ATXN1: variants seen among roughly 807,000 people sequenced by gnomAD.
ATXN1 encodes ataxin-1.
ATXN1 carries 8 observed loss-of-function variants against 56.4 expected under a neutral mutation model. The observed-to-expected ratio is 0.14, with a 90% CI of 0.08 to 0.26. The LOEUF is 0.26. ATXN1 is among the 10% of genes least tolerant of loss of function. ATXN1 has a pLI of 1.00. For missense variants in ATXN1, 987 were observed against 1,106.5 expected (o/e 0.89, Z 1.53); for synonymous variants, 514 against 494.6 (o/e 1.04, Z -0.52).
chr6:16,651,414 C>T lies in ATXN1; in HGVS notation c.-489+6362G>A, dbSNP rs192367304. ...AAAAAATTAGCCAGGTGTGGTGGTG[C>T]GCACCTGTAATCCAAGCTACTCAGG... On this transcript the variant is annotated intron_variant, in intron 3 of 7. Transcript: ENST00000436367. Among the ~76,000 whole-genome samples, 6 of 152,024 alleles carry T rather than the reference C, an allele frequency of 3.9e-5. No homozygotes were observed. In the South Asian group the frequency reaches 6.2e-4, roughly 16 times the overall value.
At chr6:16,757,168 A>G (rs916990942) in intron 1 of ATXN1, among the ~76,000 whole-genome samples, 2 of 152,226 alleles carry the variant, frequency 1.3e-5, no homozygotes, top group Admixed American at 1.3e-4. Context: ...TCTTCCTCTA[A>G]GTGTAAAAGA....
At chr6:16,486,644 T>C (rs1290582680) in intron 5 of ATXN1, among the ~76,000 whole-genome samples, 2 of 152,156 alleles carry the variant, frequency 1.3e-5, no homozygotes, top group Non-Finnish European at 2.9e-5. Flanking sequence ...AACGTCTGCA[T>C]GCCCTACTGT....
At chr6:16,343,593 T>A (rs1242211963) in intron 6 of ATXN1, among the ~76,000 whole-genome samples, 2 of 152,144 alleles carry the variant, frequency 1.3e-5, no homozygotes, top group Non-Finnish European at 2.9e-5. Flanking sequence ...AGCAGTATCT[T>A]AGTGTCACTG....
rs1759327345 is a variant in ATXN1 at position 16,433,455 on chromosome 6, G to GTGCT, written c.-161+52516_-161+52517insAGCA. On this transcript the variant is annotated intron_variant, in intron 6 of 7. Coordinates refer to ENST00000436367, the MANE Select transcript of ATXN1 (RefSeq NM_001128164.2). ...GGATAAGAAGAACTGAGTGCTCCAA[G>GTGCT]GAGATTTTAGAGGTGGGCAAAAAAC... is the stretch of plus-strand genomic sequence containing the variant. 4.6e-5 allele frequency among the ~76,000 whole-genome samples: 7 copies of GTGCT among 152,300 alleles called. No homozygotes were observed. In the South Asian group the frequency reaches 1.5e-3, roughly 32 times the overall value.
intron 2 of ATXN1, among the ~76,000 whole-genome samples, chr6:16,708,392 C>CAT (rs4052887): frequency 0.93 from 141,669 of 152,196 alleles, 66,015 homozygotes; most frequent in East Asian, 1. Context: ...AAATTCCCCA[C>CAT]GTCTGTGAAT....
At chr6:16,586,954 T>A (rs575810583) in intron 3 of ATXN1, among the ~76,000 whole-genome samples, 1 of 151,808 alleles carries the variant, frequency 6.6e-6, no homozygotes, top group African/African-American at 2.4e-5. Flanking sequence ...GAAGGCAGAG[T>A]TTGCAGTGAG....
At chr6:16,761,243 AGGGAATG>A in intron 1 of ATXN1, 48 bp downstream of exon 1, 1 of 407,614 alleles carries the variant, frequency 2.5e-6, no homozygotes. Flanking sequence ...TAAGGGGAGA[AGGGAATG>A]GGGGAGGGGG....
chr6:16,379,522 T>C (rs1581724504), intron 6 of ATXN1, among the ~76,000 whole-genome samples: 1 of 152,224 alleles, frequency 6.6e-6, no homozygotes, highest in East Asian at 1.9e-4. Flanking sequence ...TTCTATTCCT[T>C]TGTGTCCTCC....
intron 3 of ATXN1, among the ~76,000 whole-genome samples, chr6:16,617,604 AAC>A (rs1763237818): frequency 6.6e-6 from 1 of 151,966 alleles, no homozygotes; most frequent in Non-Finnish European, 1.5e-5. Context: ...CTCTACTAAA[AAC>A]ACACACAAAA....
intron 5 of ATXN1, among the ~76,000 whole-genome samples, chr6:16,519,729 C>T (rs1761250415): frequency 1.3e-5 from 2 of 152,206 alleles, no homozygotes; most frequent in South Asian, 2.1e-4. Context: ...GACTCTCCAC[C>T]TCCTTTCAAT....
At chr6:16,478,429 T>C (rs1033929037) in intron 6 of ATXN1, among the ~76,000 whole-genome samples, 1 of 152,164 alleles carries the variant, frequency 6.6e-6, no homozygotes, top group Non-Finnish European at 1.5e-5. Context: ...GGTAGAGCCA[T>C]TGAGGTTGCC....
chr6:16,502,839 G>A (rs1760909204), intron 5 of ATXN1, among the ~76,000 whole-genome samples: 2 of 152,150 alleles, frequency 1.3e-5, no homozygotes, highest in African/African-American at 4.8e-5. Flanking sequence ...GGACCCTTAT[G>A]ACAGTAGTAT....
At chr6:16,378,071 T>C (rs1439661369) in intron 6 of ATXN1, among the ~76,000 whole-genome samples, 6 of 152,200 alleles carry the variant, frequency 3.9e-5, no homozygotes, top group Admixed American at 3.9e-4. Context: ...GTTCATATCC[T>C]CCTGGCCCAC....
chr6:16,646,688 T>C (rs1763803382), intron 3 of ATXN1, among the ~76,000 whole-genome samples: 1 of 152,226 alleles, frequency 6.6e-6, no homozygotes, highest in Admixed American at 6.5e-5. Flanking sequence ...GGTGGAATCC[T>C]AGCCATTCTT....
At chr6:16,676,868 CTT>C (rs558432480) in intron 2 of ATXN1, among the ~76,000 whole-genome samples, 2 of 148,184 alleles carry the variant, frequency 1.3e-5, no homozygotes, top group African/African-American at 4.9e-5. Context: ...ACACCAATCA[CTT>C]TTTTTTTTTC....
chr6:16,418,153 A>C (rs760743517), intron 6 of ATXN1, among the ~76,000 whole-genome samples: 20 of 152,240 alleles, frequency 1.3e-4, no homozygotes, highest in Non-Finnish European at 2.5e-4. Flanking sequence ...TAGGTGCTTA[A>C]AATGCTCATT....
At chr6:16,355,568 T>A (rs1207793182) in intron 6 of ATXN1, among the ~76,000 whole-genome samples, 3 of 151,670 alleles carry the variant, frequency 2.0e-5, no homozygotes, top group Admixed American at 2.0e-4. Flanking sequence ...CCCTTTTTTT[T>A]TTTTCTTTTT....
chr6:16,556,590 C>T (rs536983706), intron 4 of ATXN1, among the ~76,000 whole-genome samples: 4 of 152,228 alleles, frequency 2.6e-5, no homozygotes, highest in East Asian at 1.9e-4. Flanking sequence ...ATTTCCAAAA[C>T]GTTTTCTACT....
At chr6:16,456,601 T>A (rs991032480) in intron 6 of ATXN1, among the ~76,000 whole-genome samples, 1 of 152,200 alleles carries the variant, frequency 6.6e-6, no homozygotes, top group Non-Finnish European at 1.5e-5. Flanking sequence ...AGCAGAACTC[T>A]CAAAGTTACA....
Sources: gnomAD v4.1 joint callset for allele counts (sites outside exome capture counted in the v4.1 genomes callset) on GRCh38, gnomAD v4.1.1 for gene constraint, MANE v1.5 for transcripts, NCBI Gene and HGNC (gene_info 2026-07-23, HGNC 2026-07-21) for gene names.